MYT1L: variants seen among roughly 807,000 people sequenced by gnomAD.
MYT1L encodes myelin transcription factor 1-like protein.
A neutral mutation model predicts 126.7 loss-of-function variants in MYT1L; 12 were observed. The observed-to-expected ratio is 0.09, with a 90% CI of 0.06 to 0.15. MYT1L has a LOEUF of 0.15. Ranked by LOEUF, MYT1L falls within the 10% of genes least tolerant of loss-of-function variation. MYT1L has a pLI of 1.00. For missense variants in MYT1L, 979 were observed against 1,585.2 expected (o/e 0.62, Z 6.49); for synonymous variants, 541 against 604.2 (o/e 0.90, Z 1.53).
Position 2,164,240 on chromosome 2 carries a change from C to A in MYT1L, c.-304+8632G>T, listed in dbSNP as rs111333931. ...TTGTGTTTTTTTCTTATAGTTATGT[C>A]CATATTATTTGTCTTCTGAACCCTC... On this transcript the variant is annotated intron_variant, in intron 3 of 24. Coordinates refer to ENST00000647738, the MANE Select transcript of MYT1L (RefSeq NM_001303052.2). Among the ~76,000 whole-genome samples the A allele has an allele frequency of 8.6e-3, 1,301 of 151,914 alleles. 17 individuals are homozygous for A. Among genetic ancestry groups the A allele is most frequent in the Non-Finnish European group, 0.013 (864 of 67,970 alleles).
intron 9 of MYT1L, among the ~76,000 whole-genome samples, chr2:1,936,329 A>G (rs1227668565): frequency 6.6e-6 from 1 of 152,260 alleles, no homozygotes; most frequent in East Asian, 1.9e-4. Context: ...ATATTTCTAT[A>G]ATTTAGCACA....
chr2:1,978,932 C>T (rs1420380399), intron 8 of MYT1L, among the ~76,000 whole-genome samples: 2 of 152,126 alleles, frequency 1.3e-5, no homozygotes, highest in African/African-American at 4.8e-5. Context: ...TAAGGCTGGC[C>T]TGAATTTGTG....
At chr2:2,102,287 G>C (rs1472397564) in intron 3 of MYT1L, among the ~76,000 whole-genome samples, 1 of 152,256 alleles carries the variant, frequency 6.6e-6, no homozygotes, top group South Asian at 2.1e-4. Context: ...CCTCCAAACT[G>C]TTATGAGAAT....
At chr2:2,237,102 C>G (rs2094340457) in intron 2 of MYT1L, among the ~76,000 whole-genome samples, 1 of 152,088 alleles carries the variant, frequency 6.6e-6, no homozygotes, top group South Asian at 2.1e-4. Context: ...GTGTGAGCCA[C>G]CACGCCCAAC....
At position 1,851,844 on chromosome 2, in the gene MYT1L, C is replaced by T. The variant is rs2043303272; in HGVS notation, c.2712-141G>A. 3 of 774,224 alleles carry T rather than the reference C, an allele frequency of 3.9e-6. No homozygotes were observed. In the Admixed American group the frequency reaches 6.8e-5, roughly 17 times the overall value. The allele number at this position is 774,224 out of a possible 1,614,324, so 48.0% of individuals were successfully genotyped here. ...AGAGGCTGAGTGGAGCCGGAAGCTCCCTCATGGAGCTGGAAGTCACCATGA... is the reference window on the plus strand; with the variant it reads ...AGAGGCTGAGTGGAGCCGGAAGCTCTCTCATGGAGCTGGAAGTCACCATGA... On this transcript the variant is annotated intron_variant, in intron 18 of 24. Transcript: ENST00000647738.
chr2:1,981,493 T>C (rs1157197009), intron 5 of MYT1L, among the ~76,000 whole-genome samples: 7 of 151,892 alleles, frequency 4.6e-5, no homozygotes, highest in Non-Finnish European at 1.0e-4. Flanking sequence ...AGTTATTGAG[T>C]GAATGAATGA....
At chr2:1,981,031 G>C (rs1399984709) in intron 5 of MYT1L, among the ~76,000 whole-genome samples, 2 of 152,124 alleles carry the variant, frequency 1.3e-5, no homozygotes, top group African/African-American at 2.4e-5. Flanking sequence ...TTAGATGCCT[G>C]TGGCTCTATT....
At position 1,832,980 on chromosome 2, in the gene MYT1L, C is replaced by T. The variant is rs766026479; in HGVS notation, c.3080+6169G>A. 1.4e-4 allele frequency among the ~76,000 whole-genome samples: 21 copies of T among 152,308 alleles called. No homozygotes were observed. In the Middle Eastern group the frequency reaches 0.01, roughly 74 times the overall value. On this transcript the variant is annotated intron_variant, in intron 21 of 24. Coordinates refer to ENST00000647738, the MANE Select transcript of MYT1L (RefSeq NM_001303052.2). ...TAAACCAGACCTGGACGGAGATCATCGGTGCTGGTGGAGGCATGTCTGTCT... is the reference window on the plus strand; with the variant it reads ...TAAACCAGACCTGGACGGAGATCATTGGTGCTGGTGGAGGCATGTCTGTCT...
chr2:2,141,604 C>G (rs995150706), intron 3 of MYT1L, among the ~76,000 whole-genome samples: 1 of 152,202 alleles, frequency 6.6e-6, no homozygotes, highest in African/African-American at 2.4e-5. Context: ...CCTCTCGTAT[C>G]AGGAGAAGAG....
intron 2 of MYT1L, among the ~76,000 whole-genome samples, chr2:2,264,900 T>C (rs1323447282): frequency 6.6e-6 from 1 of 152,164 alleles, no homozygotes; most frequent in Non-Finnish European, 1.5e-5. Flanking sequence ...TTAAAGGGGA[T>C]GCAAAGCCGA....
intron 19 of MYT1L, among the ~76,000 whole-genome samples, chr2:1,850,602 CT>C (rs2043142749): frequency 6.6e-6 from 1 of 152,154 alleles, no homozygotes; most frequent in South Asian, 2.1e-4. Context: ...CCTCTGGGTC[CT>C]TTACTAGAAT....
intron 2 of MYT1L, among the ~76,000 whole-genome samples, chr2:2,216,560 C>A (rs2093682289): frequency 6.6e-6 from 1 of 152,074 alleles, no homozygotes. Context: ...ATGCGTATAT[C>A]AGAAAAGAAC....
At chr2:2,005,403 GCGTTCTTTCCTCA>G (rs2063158964) in intron 4 of MYT1L, among the ~76,000 whole-genome samples, 8 of 141,640 alleles carry the variant, frequency 5.6e-5, no homozygotes, top group Non-Finnish European at 1.2e-4. Context: ...TTTCCTGCGT[GCGTTCTTTCCTCA>G]TGCGTTCTTT....
At chr2:2,173,259 G>C (rs543475209) in intron 2 of MYT1L, among the ~76,000 whole-genome samples, 1 of 152,324 alleles carries the variant, frequency 6.6e-6, no homozygotes, top group African/African-American at 2.4e-5. Flanking sequence ...TAGGTTTGAA[G>C]GTAAAACCAT....
intron 5 of MYT1L, among the ~76,000 whole-genome samples, chr2:1,990,176 GGAGGT>G (rs1161563827): frequency 1.3e-5 from 2 of 152,250 alleles, no homozygotes; most frequent in Non-Finnish European, 2.9e-5. Context: ...TCCTGATCTA[GGAGGT>G]GTAGCTGATG....
intron 1 of MYT1L, among the ~76,000 whole-genome samples, chr2:2,292,911 C>T (rs1309031566): frequency 6.6e-6 from 1 of 152,130 alleles, no homozygotes; most frequent in East Asian, 1.9e-4. Flanking sequence ...CTGTGGAAAT[C>T]GGTGAGACGG....
chr2:2,034,251 C>T (rs1375913920), intron 4 of MYT1L, among the ~76,000 whole-genome samples: 1 of 152,194 alleles, frequency 6.6e-6, no homozygotes, highest in Non-Finnish European at 1.5e-5. Flanking sequence ...ACACCCACAA[C>T]TTCATGCGGG....
intron 5 of MYT1L, among the ~76,000 whole-genome samples, chr2:1,988,378 G>A (rs1241462921): frequency 6.6e-6 from 1 of 152,248 alleles, no homozygotes; most frequent in African/African-American, 2.4e-5. Context: ...ATCTCTGCAT[G>A]TGCTTTCCAG....
In MYT1L at chr2:1,896,939, G is replaced by A. The variant is rs115787359; in HGVS notation, c.2033-4652C>T. On this transcript the variant is annotated intron_variant, in intron 14 of 24. Coordinates refer to ENST00000647738, the MANE Select transcript of MYT1L (RefSeq NM_001303052.2). ...TATCCTGAAGTTATAAAATGTAGAT[G>A]TGACGATGCATTGACTTTCCCAGAT... 1.0e-3 allele frequency among the ~76,000 whole-genome samples: 153 copies of A among 152,302 alleles called. 1 individual carries two copies. The highest frequency in any genetic ancestry group is 1.8e-3 in the Non-Finnish European group (120 of 68,036).
Sources: allele counts gnomAD v4.1 joint callset (sites outside exome capture counted in the v4.1 genomes callset), GRCh38; gene constraint gnomAD v4.1.1; transcripts MANE v1.5; gene names NCBI Gene and HGNC (gene_info 2026-07-23, HGNC 2026-07-21).